The following ADAM22 variants were observed in gnomAD, a reference collection of about 807,000 sequenced individuals.
ADAM22 encodes the protein disintegrin and metalloproteinase domain-containing protein 22.
Under a neutral mutation model 144.6 loss-of-function variants are expected in ADAM22, and 65 were observed. The ratio of observed to expected loss-of-function variants is 0.45; its 90% CI spans 0.37 to 0.55. The LOEUF (loss-of-function observed/expected upper bound fraction) is 0.55, where lower values mean the gene tolerates loss of function less well. Ranked by LOEUF, ADAM22 falls within the 20% of genes least tolerant of loss-of-function variation. The pLI is 0.00. For synonymous variants in ADAM22, 391 were observed against 412.6 expected (o/e 0.95, Z 0.63); for missense variants, 974 against 1,184.9 (o/e 0.82, Z 2.61).
chr7:88,112,143 C>T (rs1045414227), intron 5 of ADAM22, among the ~76,000 whole-genome samples: 28 of 152,222 alleles, frequency 1.8e-4, no homozygotes, highest in Admixed American at 1.8e-3. Flanking sequence ...AAGGCTCCCC[C>T]TCTGACTCCT....
chr7:88,143,484 G>A (rs929440357), intron 15 of ADAM22, among the ~76,000 whole-genome samples: 5 of 152,054 alleles, frequency 3.3e-5, no homozygotes, highest in African/African-American at 1.2e-4. Context: ...AACTCATACA[G>A]GTAGAAGGTG....
chr7:88,114,689 A>T (rs781203785), intron 6 of ADAM22, 42 bp downstream of exon 6: 1 of 1,585,964 alleles, frequency 6.3e-7, no homozygotes, highest in East Asian at 2.2e-5. Context: ...GGAAATGTTT[A>T]TGCTGAGAGC....
intron 3 of ADAM22, among the ~76,000 whole-genome samples, chr7:88,036,594 A>G (rs998324655): frequency 3.3e-5 from 5 of 152,134 alleles, no homozygotes; most frequent in African/African-American, 9.7e-5. Flanking sequence ...ACAGTACTGT[A>G]TCTGTTTCCC....
intron 5 of ADAM22, among the ~76,000 whole-genome samples, chr7:88,109,746 C>G (rs976537918): frequency 7.2e-6 from 1 of 139,698 alleles, no homozygotes; most frequent in Non-Finnish European, 1.6e-5. Context: ...AAAAAAAAAA[C>G]AAAACTGGGA....
chr7:88,128,995 A>G (rs1831098979), intron 9 of ADAM22, among the ~76,000 whole-genome samples: 1 of 152,062 alleles, frequency 6.6e-6, no homozygotes, highest in East Asian at 1.9e-4. Flanking sequence ...TGGAAATTCC[A>G]TTATATATTG....
At chr7:88,131,971 G>A (rs1000830770) in intron 11 of ADAM22, 1 of 152,120 alleles carries the variant, frequency 6.6e-6, no homozygotes, top group African/African-American at 2.4e-5. Flanking sequence ...GATGTATTTT[G>A]GGGTAACTTT....
chr7:88,132,728 C>A, intron 11 of ADAM22, 139 bp from the exon 12 acceptor site: 2 of 630,812 alleles, frequency 3.2e-6, no homozygotes, highest in Non-Finnish European at 2.7e-6. Flanking sequence ...AAACAATTTT[C>A]ACATTCTTCC....
At chr7:88,067,830 A>T (rs1023521045) in intron 3 of ADAM22, among the ~76,000 whole-genome samples, 1 of 152,160 alleles carries the variant, frequency 6.6e-6, no homozygotes, top group Non-Finnish European at 1.5e-5. Context: ...AAGTAACAAA[A>T]ATAGCCTCAC....
chr7:88,027,195 T>G (rs1208629760), intron 3 of ADAM22, among the ~76,000 whole-genome samples: 1 of 152,204 alleles, frequency 6.6e-6, no homozygotes, highest in Non-Finnish European at 1.5e-5. Context: ...ATTTTTCTTT[T>G]TTTGACACAT....
intron 3 of ADAM22, among the ~76,000 whole-genome samples, chr7:88,028,441 G>C (rs1000499739): frequency 2.0e-5 from 3 of 152,170 alleles, no homozygotes; most frequent in African/African-American, 7.2e-5. Flanking sequence ...CTGAGGAGAA[G>C]AATGTGTATT....
chr7:87,956,607 C>A (rs1277155097), intron 2 of ADAM22, among the ~76,000 whole-genome samples: 2 of 152,144 alleles, frequency 1.3e-5, no homozygotes, highest in Non-Finnish European at 2.9e-5. Flanking sequence ...TCCCTAACTG[C>A]CTCCCACCCT....
At position 87,988,836 on chromosome 7, in the gene ADAM22, C is replaced by T. The variant is rs140689319; in HGVS notation, c.323+10424C>T. On this transcript the variant is annotated intron_variant, in intron 3 of 31. Coordinates refer to ENST00000413139, the MANE Select transcript of ADAM22 (RefSeq NM_001324418.2). The stretch of plus-strand genomic sequence containing the variant: ...CATATCCCTAACCCTCTCTAGTAGA[C>T]ATGGTAAAATAACTCTGTTACAGGC... 6.4e-4 allele frequency among the ~76,000 whole-genome samples: 98 copies of T among 152,264 alleles called. 1 individual carries two copies. Among genetic ancestry groups the T allele is most frequent in the African/African-American group, 2.3e-3 (95 of 41,532 alleles).
intron 3 of ADAM22, among the ~76,000 whole-genome samples, chr7:88,017,360 A>G (rs1448645471): frequency 2.0e-5 from 3 of 152,222 alleles, no homozygotes; most frequent in Non-Finnish European, 4.4e-5. Flanking sequence ...TTGTATACAT[A>G]TCAGAATGTC....
At chr7:88,013,887 C>T (rs144503746) in intron 3 of ADAM22, among the ~76,000 whole-genome samples, 402 of 152,236 alleles carry the variant, frequency 2.6e-3, no homozygotes, top group African/African-American at 9.6e-3. Flanking sequence ...ACCCAAATGA[C>T]GTGAATTATA....
intron 15 of ADAM22, 22 bp downstream of exon 15, chr7:88,143,147 G>T: frequency 7.0e-7 from 1 of 1,434,208 alleles, no homozygotes; most frequent in Non-Finnish European, 9.7e-7. Flanking sequence ...GGTTAATAAG[G>T]TTTATAATAT....
At chr7:87,990,109 A>AAG (rs1789439383) in intron 3 of ADAM22, among the ~76,000 whole-genome samples, 2 of 152,138 alleles carry the variant, frequency 1.3e-5, no homozygotes, top group South Asian at 4.2e-4. Flanking sequence ...AGTACACTTG[A>AAG]TGTACTCTAT....
At chr7:88,099,255 T>C (rs1316916506) in intron 4 of ADAM22, among the ~76,000 whole-genome samples, 2 of 152,190 alleles carry the variant, frequency 1.3e-5, no homozygotes, top group Non-Finnish European at 2.9e-5. Flanking sequence ...TGCAGTTTTA[T>C]CTATGCCGGC....
intron 3 of ADAM22, among the ~76,000 whole-genome samples, chr7:88,014,397 A>T (rs1400919426): frequency 2.0e-5 from 3 of 152,158 alleles, no homozygotes; most frequent in Non-Finnish European, 4.4e-5. Context: ...ACCATTCTTT[A>T]AATCTGAAAG....
chr7:88,093,569 C>T (rs1820500272), intron 4 of ADAM22, among the ~76,000 whole-genome samples: 1 of 151,860 alleles, frequency 6.6e-6, no homozygotes, highest in African/African-American at 2.4e-5. Context: ...TGTTTTGAGA[C>T]AGGGTCTCAC....
Sources: allele counts gnomAD v4.1 joint callset (sites outside exome capture counted in the v4.1 genomes callset), GRCh38; gene constraint gnomAD v4.1.1; transcripts MANE v1.5; gene names NCBI Gene and HGNC (gene_info 2026-07-23, HGNC 2026-07-21).